OTUD7A: variants seen among roughly 807,000 people sequenced by gnomAD.
OTUD7A encodes OTU domain-containing protein 7A.
In OTUD7A, 12 loss-of-function variants were observed where a neutral mutation model predicts 65.7. The observed-to-expected ratio is 0.18, with a 90% CI of 0.12 to 0.30. The LOEUF (loss-of-function observed/expected upper bound fraction) is 0.30, where lower values mean the gene tolerates loss of function less well. OTUD7A is among the 10% of genes least tolerant of loss of function. The pLI, the probability that OTUD7A is intolerant of heterozygous loss-of-function variation, is 1.00. For synonymous variants in OTUD7A, 641 were observed against 586.3 expected (o/e 1.09, Z -1.35); for missense variants, 1,148 against 1,304.8 (o/e 0.88, Z 1.85).
chr15:31,795,580 C>A (rs1306597300), intron 1 of OTUD7A, among the ~76,000 whole-genome samples: 1 of 152,104 alleles, frequency 6.6e-6, no homozygotes, highest in Non-Finnish European at 1.5e-5. Flanking sequence ...AGTGCCAGGG[C>A]AGATGCCATG....
rs547224254 is a variant in OTUD7A, at chr15:31,593,307, G to C, written c.152-23110C>G. Among the ~76,000 whole-genome samples the C allele has an allele frequency of 2.7e-4, 41 of 152,036 alleles. No homozygotes were observed. In the South Asian group the frequency reaches 8.6e-3, roughly 32 times the overall value. On this transcript the variant is annotated intron_variant, in intron 3 of 12. Coordinates refer to ENST00000307050, the MANE Select transcript of OTUD7A (RefSeq NM_001382637.1). ...CTCCTATTGGTTCTGTTTCACCAGA[G>C]AGCCTAGACTGAGACACGTGCCCAG...
At chr15:31,507,164 T>C (rs1381976924) in intron 8 of OTUD7A, among the ~76,000 whole-genome samples, 6 of 152,086 alleles carry the variant, frequency 3.9e-5, no homozygotes, top group Non-Finnish European at 5.9e-5. Flanking sequence ...AAGGGGAAGA[T>C]GGGGGAATAA....
intron 3 of OTUD7A, among the ~76,000 whole-genome samples, chr15:31,571,272 C>G (rs1382163962): frequency 6.6e-6 from 1 of 151,984 alleles, no homozygotes; most frequent in Non-Finnish European, 1.5e-5. Context: ...TTTTAAGGAG[C>G]AAATAAAAAT....
At chr15:31,604,552 A>ACTGGACATT (rs1555400624) in intron 3 of OTUD7A, among the ~76,000 whole-genome samples, 1 of 151,638 alleles carries the variant, frequency 6.6e-6, no homozygotes, top group East Asian at 1.9e-4. Context: ...GTGTAACACA[A>ACTGGACATT]CTGCACATTC....
chr15:31,749,200 T>C (rs112609904), intron 1 of OTUD7A, among the ~76,000 whole-genome samples: 3,518 of 152,072 alleles, frequency 0.023, 134 homozygotes, highest in African/African-American at 0.08. Flanking sequence ...GACGAGTTAA[T>C]GGGTGCAGCA....
chr15:31,703,208 G>A (rs917656246), intron 1 of OTUD7A, among the ~76,000 whole-genome samples: 4 of 152,058 alleles, frequency 2.6e-5, no homozygotes, highest in African/African-American at 7.2e-5. Flanking sequence ...GAAAGAAGTC[G>A]TTACTAGACT....
intron 1 of OTUD7A, among the ~76,000 whole-genome samples, chr15:31,814,548 G>C (rs1326978798): frequency 1.4e-5 from 2 of 147,678 alleles, no homozygotes; most frequent in East Asian, 1.9e-4. Flanking sequence ...TTTTGAGACA[G>C]AGTCTCGCTT....
At chr15:31,622,430 T>C (rs1306449502) in intron 3 of OTUD7A, among the ~76,000 whole-genome samples, 1 of 152,230 alleles carries the variant, frequency 6.6e-6, no homozygotes. Flanking sequence ...TCTTTTCACA[T>C]AGTCCCATAT....
At chr15:31,610,645 G>T (rs552848786) in intron 3 of OTUD7A, among the ~76,000 whole-genome samples, 32 of 40,224 alleles carry the variant, frequency 8.0e-4, no homozygotes, top group Non-Finnish European at 1.1e-3. Context: ...TTTTTGAGAC[G>T]GAGTCTCACT....
intron 1 of OTUD7A, among the ~76,000 whole-genome samples, chr15:31,857,114 G>A (rs1897595316): frequency 6.6e-6 from 1 of 152,150 alleles, no homozygotes; most frequent in African/African-American, 2.4e-5. Context: ...TCCTTGAGAC[G>A]CCTCAGCTCC....
chr15:31,687,120 A>AC (rs3047546), intron 1 of OTUD7A, among the ~76,000 whole-genome samples: 1 of 142,526 alleles, frequency 7.0e-6, no homozygotes, highest in Admixed American at 7.0e-5. Flanking sequence ...AAAAAAAAAA[A>AC]CCACACATAA....
At chr15:31,515,732 C>T (rs1437081785) in intron 8 of OTUD7A, among the ~76,000 whole-genome samples, 1 of 135,790 alleles carries the variant, frequency 7.4e-6, no homozygotes, top group East Asian at 2.2e-4. Flanking sequence ...ATCCATCTGT[C>T]CATCCATTCA....
intron 3 of OTUD7A, among the ~76,000 whole-genome samples, chr15:31,584,800 C>A (rs1053395306): frequency 1.3e-5 from 2 of 152,138 alleles, no homozygotes; most frequent in Non-Finnish European, 2.9e-5. Context: ...CTGGAGTCTG[C>A]AAGGTGCAGT....
At chr15:31,781,692 G>C (rs1042193404) in intron 1 of OTUD7A, among the ~76,000 whole-genome samples, 10 of 152,066 alleles carry the variant, frequency 6.6e-5, no homozygotes, top group Admixed American at 6.6e-4. Context: ...TGCAGCCTCA[G>C]GGATGCCATC....
intron 3 of OTUD7A, among the ~76,000 whole-genome samples, chr15:31,647,854 C>A (rs1891722836): frequency 1.3e-5 from 2 of 151,758 alleles, no homozygotes; most frequent in South Asian, 2.1e-4. Flanking sequence ...GGAGGGAGAG[C>A]TGAATTTCAA....
At chr15:31,578,008 G>C (rs1346800988) in intron 3 of OTUD7A, among the ~76,000 whole-genome samples, 1 of 152,128 alleles carries the variant, frequency 6.6e-6, no homozygotes, top group Non-Finnish European at 1.5e-5. Flanking sequence ...ACTAGTCTCT[G>C]ATCAGACTCA....
intron 1 of OTUD7A, among the ~76,000 whole-genome samples, chr15:31,869,550 C>A (rs1370636469): frequency 1.3e-5 from 2 of 152,246 alleles, no homozygotes; most frequent in Non-Finnish European, 2.9e-5. Flanking sequence ...GCATGTCATA[C>A]ATGACTTTCC....
intron 1 of OTUD7A, among the ~76,000 whole-genome samples, chr15:31,757,893 A>T (rs984619696): frequency 4.6e-5 from 7 of 152,214 alleles, no homozygotes; most frequent in African/African-American, 1.7e-4. Flanking sequence ...AATGAGGTTG[A>T]CCCACTGATG....
intron 5 of OTUD7A, among the ~76,000 whole-genome samples, chr15:31,532,743 C>G (rs989490351): frequency 1.3e-5 from 2 of 151,784 alleles, no homozygotes; most frequent in Non-Finnish European, 2.9e-5. Context: ...CTGGCTAACA[C>G]GGTGAAAGGT....
Sources: allele counts gnomAD v4.1 joint callset (sites outside exome capture counted in the v4.1 genomes callset), GRCh38; gene constraint gnomAD v4.1.1; transcripts MANE v1.5; gene names NCBI Gene and HGNC (gene_info 2026-07-23, HGNC 2026-07-21).